PALLD: variants seen among roughly 807,000 people sequenced by gnomAD.
PALLD encodes the protein palladin, cytoskeletal associated protein.
In PALLD, 61 loss-of-function variants were observed where a neutral mutation model predicts 123.5. That is an observed-to-expected ratio of 0.49 (90% CI 0.40 to 0.61). PALLD has a LOEUF of 0.61. Ranked by LOEUF, PALLD falls within the 20% of genes least tolerant of loss-of-function variation. PALLD has a pLI of 0.00. For synonymous variants in PALLD, 465 were observed against 496.4 expected, an observed-to-expected ratio of 0.94 and a Z score of 0.84; for missense variants, 1,273 against 1,377.0, an observed-to-expected ratio of 0.92 and a Z score of 1.20.
intron 8 of PALLD, among the ~76,000 whole-genome samples, chr4:168,698,008 A>G (rs1472007072): frequency 6.6e-6 from 1 of 152,252 alleles, no homozygotes; most frequent in Non-Finnish European, 1.5e-5. Context: ...GAAATGTGGT[A>G]CATATACTCG....
chr4:168,643,265 G>A (rs186301351), intron 2 of PALLD, among the ~76,000 whole-genome samples: 12 of 152,264 alleles, frequency 7.9e-5, no homozygotes, highest in East Asian at 3.9e-4. Context: ...ATTCATATCC[G>A]GATTGCATTG....
At chr4:168,664,665 A>G (rs1434028365) in intron 2 of PALLD, among the ~76,000 whole-genome samples, 3 of 152,156 alleles carry the variant, frequency 2.0e-5, no homozygotes, top group Admixed American at 6.5e-5. Flanking sequence ...CAGGGAAAGC[A>G]ACTGACAGCC....
At chr4:168,585,936 A>G (rs956573699) in intron 2 of PALLD, among the ~76,000 whole-genome samples, 3 of 152,188 alleles carry the variant, frequency 2.0e-5, no homozygotes, top group Non-Finnish European at 4.4e-5. Context: ...AGCATTAGCT[A>G]GATAAACTTC....
Position 168,536,061 on chromosome 4 carries a change from T to C in PALLD, c.908+23649T>C, listed in dbSNP as rs111573707. Among the ~76,000 whole-genome samples, 938 of 152,332 alleles carry C rather than the reference T, an allele frequency of 6.2e-3. 8 individuals carry two copies. Among genetic ancestry groups the C allele is most frequent in the African/African-American group, 0.021 (884 of 41,578 alleles). On this transcript the variant is annotated intron_variant, in intron 2 of 21. Transcript: ENST00000505667. Reference sequence around the variant, plus strand: ...TGATAAAAAAGAGAGTCAAACAGAATTGTCTGGAATCTTTTCTTAAGGTTA... The same window carrying C: ...TGATAAAAAAGAGAGTCAAACAGAACTGTCTGGAATCTTTTCTTAAGGTTA...
At chr4:168,799,502 C>T (rs539469026) in intron 10 of PALLD, among the ~76,000 whole-genome samples, 2 of 152,188 alleles carry the variant, frequency 1.3e-5, no homozygotes, top group African/African-American at 4.8e-5. Context: ...ATCAATTGTG[C>T]TACCTTTTAT....
chr4:168,837,123 C>T (rs1169063871), intron 10 of PALLD, among the ~76,000 whole-genome samples: 3 of 152,048 alleles, frequency 2.0e-5, no homozygotes, highest in East Asian at 1.9e-4. Context: ...GACTGCAGAG[C>T]GATGGGGAGG....
intron 10 of PALLD, among the ~76,000 whole-genome samples, chr4:168,749,523 A>G (rs1024589126): frequency 1.3e-5 from 2 of 152,160 alleles, no homozygotes; most frequent in African/African-American, 4.8e-5. Context: ...CCTGGCCAAC[A>G]TGGCAAAACC....
intron 1 of PALLD, among the ~76,000 whole-genome samples, chr4:168,498,327 C>T (rs777128484): frequency 2.7e-5 from 4 of 149,956 alleles, no homozygotes; most frequent in Non-Finnish European, 6.0e-5. Context: ...TCAGCTCTTC[C>T]TCTGGGTTTC....
At chr4:168,736,181 G>A (rs149171226) in intron 10 of PALLD, among the ~76,000 whole-genome samples, 210 of 152,266 alleles carry the variant, frequency 1.4e-3, no homozygotes, top group Non-Finnish European at 2.4e-3. Flanking sequence ...CTCAAAAATG[G>A]CCTCATTTTG....
intron 2 of PALLD, among the ~76,000 whole-genome samples, chr4:168,571,553 T>C (rs1768983587): frequency 6.6e-6 from 1 of 152,182 alleles, no homozygotes; most frequent in African/African-American, 2.4e-5. Flanking sequence ...TGACTTCATT[T>C]AAATTCCAGT....
chr4:168,682,770 A>G (rs1781670680), intron 4 of PALLD, among the ~76,000 whole-genome samples: 4 of 152,262 alleles, frequency 2.6e-5, no homozygotes, highest in Middle Eastern at 3.4e-3. Context: ...CTTAATGTCT[A>G]TAAGGTACAT....
At chr4:168,785,352 A>C (rs1374013773) in intron 10 of PALLD, among the ~76,000 whole-genome samples, 1 of 152,076 alleles carries the variant, frequency 6.6e-6, no homozygotes, top group Non-Finnish European at 1.5e-5. Flanking sequence ...ACTGGTTCCA[A>C]GTTCACTCGG....
chr4:168,903,743 G>C lies in PALLD; in HGVS notation c.2473-14G>C. The C allele has an allele frequency of 1.9e-6, 3 of 1,603,558 alleles. No individual in the cohort carries two copies. The highest frequency in any genetic ancestry group is 1.7e-6 in the Non-Finnish European group (2 of 1,170,788). ...CACAAACTCCTAATCTTTAATCTTT[G>C]TTTCTATTCACAGATCTATTGGTTT... On this transcript the variant is annotated splice_polypyrimidine_tract_variant and intron_variant, in intron 14 of 21. Transcript: ENST00000505667.
chr4:168,898,795 G>C, intron 14 of PALLD, 81 bp downstream of exon 14: 1 of 871,468 alleles, frequency 1.1e-6, no homozygotes, highest in Non-Finnish European at 1.9e-6. Context: ...GCCAGTAGGA[G>C]AAAGAGATAC....
intron 2 of PALLD, among the ~76,000 whole-genome samples, chr4:168,633,503 T>A (rs1220179357): frequency 6.6e-6 from 1 of 152,232 alleles, no homozygotes; most frequent in Non-Finnish European, 1.5e-5. Flanking sequence ...AATTTTTCAT[T>A]GTTCCTTTAG....
At chr4:168,623,724 T>G (rs1349133724) in intron 2 of PALLD, among the ~76,000 whole-genome samples, 2 of 152,188 alleles carry the variant, frequency 1.3e-5, no homozygotes, top group Admixed American at 1.3e-4. Flanking sequence ...TCAGGTGAAG[T>G]GTAATTCAGG....
At chr4:168,506,236 A>C (rs1761985614) in intron 1 of PALLD, 1 of 152,190 alleles carries the variant, frequency 6.6e-6, no homozygotes, top group African/African-American at 2.4e-5. Flanking sequence ...CCTTCTTACA[A>C]AACTTCCTTC....
chr4:168,868,954 T>G (rs910372562), intron 10 of PALLD, among the ~76,000 whole-genome samples: 4 of 152,156 alleles, frequency 2.6e-5, no homozygotes, highest in African/African-American at 9.7e-5. Flanking sequence ...CTTATTGCGT[T>G]TTTGACTGAT....
At chr4:168,539,776 A>C (rs1396792065) in intron 2 of PALLD, among the ~76,000 whole-genome samples, 1 of 152,066 alleles carries the variant, frequency 6.6e-6, no homozygotes, top group Non-Finnish European at 1.5e-5. Context: ...ACAGCTGCAT[A>C]TAATTCAGAT....
Sources: gnomAD v4.1 joint callset for allele counts (sites outside exome capture counted in the v4.1 genomes callset) on GRCh38, gnomAD v4.1.1 for gene constraint, MANE v1.5 for transcripts, NCBI Gene and HGNC (gene_info 2026-07-23, HGNC 2026-07-21) for gene names.